Variants in WWC2 observed in about 807,000 individuals in gnomAD.
The protein encoded by WWC2 is protein WWC2.
A neutral mutation model predicts 138.5 loss-of-function variants in WWC2; 101 were observed. That is an observed-to-expected ratio of 0.73 (90% CI 0.62 to 0.86). WWC2 has a LOEUF of 0.86. Ranked by LOEUF, WWC2 falls within the 40% of genes least tolerant of loss-of-function variation. The pLI is 0.00. For synonymous variants in WWC2, 558 were observed against 538.4 expected (o/e 1.04, Z -0.50); for missense variants, 1,420 against 1,419.4 (o/e 1.00, Z -0.01).
rs576197660 is a variant in WWC2 at position 183,268,775 on chromosome 4, C to T, written c.2208-196C>T. Among the ~76,000 whole-genome samples the T allele has an allele frequency of 3.3e-5, 5 of 152,234 alleles. No homozygotes were observed. The South Asian group carries it at 1.0e-3, about 32-fold the overall frequency. Reference sequence around the variant, plus strand: ...GGCTGGGCCATTGCATGCTCAGGGGCGTAGTCAGCTCGGGTGGGTTAAGGA... The same window carrying T: ...GGCTGGGCCATTGCATGCTCAGGGGTGTAGTCAGCTCGGGTGGGTTAAGGA... On this transcript the variant is annotated intron_variant, in intron 14 of 22. Transcript: ENST00000403733.
At chr4:183,136,199 C>G (rs1363010366) in intron 1 of WWC2, among the ~76,000 whole-genome samples, 1 of 151,668 alleles carries the variant, frequency 6.6e-6, no homozygotes, top group Non-Finnish European at 1.5e-5. Flanking sequence ...TTACATATTG[C>G]CTCTCTCCCA....
Position 183,233,040 on chromosome 4 carries a change from C to A in WWC2, c.523-7143C>A, listed in dbSNP as rs1428252651. 4.0e-5 allele frequency among the ~76,000 whole-genome samples: 6 copies of A among 150,280 alleles called. No individual in the cohort carries two copies. The East Asian group carries it at 1.2e-3, about 30-fold the overall frequency. ...TAATGCTGCTGTGAACTTACATGTA[C>A]AAGTGTTTGTGTGGACATAGGTTTC... On this transcript the variant is annotated intron_variant, in intron 4 of 22. Coordinates refer to ENST00000403733, the MANE Select transcript of WWC2 (RefSeq NM_024949.6).
At chr4:183,311,035 CTAG>C in intron 21 of WWC2, among the ~76,000 whole-genome samples, 1 of 152,202 alleles carries the variant, frequency 6.6e-6, no homozygotes, top group Admixed American at 6.5e-5. Context: ...ATTTACATCG[CTAG>C]TAAGTGGTAG....
chr4:183,222,703 C>T (rs1189255297), intron 4 of WWC2, among the ~76,000 whole-genome samples: 2 of 152,112 alleles, frequency 1.3e-5, no homozygotes, highest in Admixed American at 6.6e-5. Flanking sequence ...TGGTGGCTCA[C>T]TCCTAGCACT....
chr4:183,209,313 C>T (rs1264935648), intron 4 of WWC2, among the ~76,000 whole-genome samples: 1 of 152,074 alleles, frequency 6.6e-6, no homozygotes, highest in African/African-American at 2.4e-5. Context: ...CTGCAATCTC[C>T]GCCTCCTGGG....
chr4:183,125,057 G>A (rs761584895), intron 1 of WWC2, among the ~76,000 whole-genome samples: 8 of 152,174 alleles, frequency 5.3e-5, no homozygotes, highest in Non-Finnish European at 1.2e-4. Flanking sequence ...GGCTATGAGG[G>A]CTGCTTGTAA....
At chr4:183,255,068 T>C (rs1483946341) in intron 9 of WWC2, among the ~76,000 whole-genome samples, 2 of 152,204 alleles carry the variant, frequency 1.3e-5, no homozygotes, top group African/African-American at 4.8e-5. Flanking sequence ...TTGACTTCTG[T>C]GGGTTAAAAT....
At chr4:183,295,842 CATT>C (rs1299085854) in intron 21 of WWC2, among the ~76,000 whole-genome samples, 1 of 152,162 alleles carries the variant, frequency 6.6e-6, no homozygotes, top group Non-Finnish European at 1.5e-5. Context: ...ACCGACCTAT[CATT>C]CTGTTCTCAG....
In WWC2 at chr4:183,230,027, A is replaced by G. The variant is rs927304953; in HGVS notation, c.523-10156A>G. Among the ~76,000 whole-genome samples the G allele has an allele frequency of 5.3e-5, 8 of 152,032 alleles. 1 individual carries two copies. The South Asian group carries it at 1.2e-3, about 24-fold the overall frequency. On this transcript the variant is annotated intron_variant, in intron 4 of 22. Transcript: ENST00000403733. The stretch of plus-strand genomic sequence containing the variant: ...TTTTGTAGAGCTGGGGTTTTGCCGC[A>G]TTGCCTAAGCTAATCTCAAACCCCT...
At chr4:183,260,080 C>A (rs1302671613) in intron 10 of WWC2, among the ~76,000 whole-genome samples, 2 of 152,168 alleles carry the variant, frequency 1.3e-5, no homozygotes, top group Admixed American at 6.5e-5. Context: ...ATACTCACTC[C>A]TCACATTCAC....
At chr4:183,149,515 A>C (rs75662653) in intron 1 of WWC2, among the ~76,000 whole-genome samples, 1 of 151,922 alleles carries the variant, frequency 6.6e-6, no homozygotes, top group Non-Finnish European at 1.5e-5. Flanking sequence ...CCAGCTACTC[A>C]GGAGGCTGAG....
intron 4 of WWC2, among the ~76,000 whole-genome samples, chr4:183,226,988 G>T (rs977833171): frequency 3.9e-5 from 6 of 151,946 alleles, no homozygotes; most frequent in Non-Finnish European, 7.3e-5. Context: ...CTTCTATTGT[G>T]TCCCTTTCTT....
intron 1 of WWC2, among the ~76,000 whole-genome samples, chr4:183,115,124 A>G (rs1165740235): frequency 6.6e-6 from 1 of 152,062 alleles, no homozygotes; most frequent in Non-Finnish European, 1.5e-5. Flanking sequence ...AACATGCGGT[A>G]TTTGGTTTTC....
intron 14 of WWC2, among the ~76,000 whole-genome samples, chr4:183,267,088 C>T (rs1222241683): frequency 1.3e-5 from 2 of 150,960 alleles, no homozygotes; most frequent in African/African-American, 4.9e-5. Context: ...TGGTCTTGAA[C>T]TCCCTGGGCT....
chr4:183,245,899 G>A (rs1736762562), intron 6 of WWC2, among the ~76,000 whole-genome samples: 1 of 152,198 alleles, frequency 6.6e-6, no homozygotes, highest in African/African-American at 2.4e-5. Context: ...CTCAGCCCAG[G>A]ATACACAAGG....
At chr4:183,225,638 A>G (rs1317666442) in intron 4 of WWC2, among the ~76,000 whole-genome samples, 1 of 152,242 alleles carries the variant, frequency 6.6e-6, no homozygotes, top group Non-Finnish European at 1.5e-5. Context: ...ATCAAATGCA[A>G]TAACTAACAG....
intron 1 of WWC2, among the ~76,000 whole-genome samples, chr4:183,114,782 A>G (rs1021888244): frequency 2.0e-5 from 3 of 151,984 alleles, no homozygotes; most frequent in Non-Finnish European, 4.4e-5. Context: ...TTCATCACCC[A>G]GGTAATAAAC....
chr4:183,259,570 G>A, intron 9 of WWC2, 69 bp from the exon 10 acceptor site: 1 of 1,196,106 alleles, frequency 8.4e-7, no homozygotes, highest in South Asian at 1.5e-5. Context: ...TGTACAATGA[G>A]AATCTTTCTT....
chr4:183,220,163 C>G (rs1436680787), intron 4 of WWC2, among the ~76,000 whole-genome samples: 2 of 152,134 alleles, frequency 1.3e-5, no homozygotes, highest in African/African-American at 4.8e-5. Context: ...TGAATGCTGC[C>G]AAAAGTGAGA....
Sources: allele counts gnomAD v4.1 joint callset (sites outside exome capture counted in the v4.1 genomes callset), GRCh38; gene constraint gnomAD v4.1.1; transcripts MANE v1.5; gene names NCBI Gene and HGNC (gene_info 2026-07-23, HGNC 2026-07-21).